Variants in DLC1 observed in about 807,000 individuals in gnomAD.
The protein encoded by DLC1 is DLC1 Rho GTPase activating protein, also known as rho GTPase-activating protein 7.
In DLC1, 54 loss-of-function variants were observed where a neutral mutation model predicts 140.3. That is an observed-to-expected ratio of 0.38 (90% confidence interval 0.31 to 0.48). DLC1 has a LOEUF of 0.48. DLC1 is among the 20% of genes least tolerant of loss of function. The pLI, the probability that DLC1 is intolerant of heterozygous loss-of-function variation, is 0.96. For missense variants in DLC1, 2,536 were observed against 1,907.0 expected (o/e 1.33, Z -6.14); for synonymous variants, 986 against 728.1 (o/e 1.35, Z -5.70).
chr8:13,575,917 T>C (rs1484722930), intron 1 of DLC1, among the ~76,000 whole-genome samples: 1 of 152,200 alleles, frequency 6.6e-6, no homozygotes, highest in African/African-American at 2.4e-5. Context: ...ATTTTGAGTA[T>C]CTGTGTGGCA....
At chr8:13,467,366 T>C (rs1799984553) in intron 2 of DLC1, among the ~76,000 whole-genome samples, 1 of 152,148 alleles carries the variant, frequency 6.6e-6, no homozygotes, top group African/African-American at 2.4e-5. Flanking sequence ...TTTCTCTTCT[T>C]CCCCTCCCCT....
intron 1 of DLC1, among the ~76,000 whole-genome samples, chr8:13,537,401 G>A (rs760618573): frequency 6.6e-6 from 1 of 152,092 alleles, no homozygotes; most frequent in Non-Finnish European, 1.5e-5. Flanking sequence ...GATTTCTGTA[G>A]CATGGTGAAA....
intron 2 of DLC1, among the ~76,000 whole-genome samples, chr8:13,491,315 C>G (rs1563393357): frequency 6.6e-6 from 1 of 151,902 alleles, no homozygotes; most frequent in Non-Finnish European, 1.5e-5. Flanking sequence ...TCTCTCCACT[C>G]CACCCCCAAC....
intron 5 of DLC1, among the ~76,000 whole-genome samples, chr8:13,242,806 C>G (rs150989247): frequency 8.6e-5 from 13 of 151,834 alleles, no homozygotes; most frequent in Admixed American, 8.5e-4. Flanking sequence ...ATGAGGGTGC[C>G]CAAGGTTATG....
intron 5 of DLC1, chr8:13,133,236 G>C (rs1294942618): frequency 3.6e-6 from 5 of 1,396,480 alleles, no homozygotes; most frequent in South Asian, 3.1e-5. Flanking sequence ...GGAGAGGTGC[G>C]GCCATGTCCT....
chr8:13,315,558 C>G (rs1832832787), intron 4 of DLC1, among the ~76,000 whole-genome samples: 1 of 152,178 alleles, frequency 6.6e-6, no homozygotes, highest in African/African-American at 2.4e-5. Flanking sequence ...GATGTTGGGG[C>G]CTTTCAATTG....
intron 15 of DLC1, among the ~76,000 whole-genome samples, chr8:13,089,828 A>T (rs537597975): frequency 1.1e-4 from 17 of 152,292 alleles, no homozygotes; most frequent in Middle Eastern, 3.4e-3. Flanking sequence ...AACTGGAGTT[A>T]ATTTCCCCCT....
intron 4 of DLC1, among the ~76,000 whole-genome samples, chr8:13,353,935 A>G (rs1586192217): frequency 6.6e-6 from 1 of 151,704 alleles, no homozygotes; most frequent in African/African-American, 2.4e-5. Context: ...TTCTTGATTT[A>G]TTCAGTGATG....
At chr8:13,358,442 T>A (rs533653153) in intron 4 of DLC1, among the ~76,000 whole-genome samples, 1 of 152,204 alleles carries the variant, frequency 6.6e-6, no homozygotes, top group South Asian at 2.1e-4. Context: ...AAAAAGTGCT[T>A]GATTACTCTG....
intron 1 of DLC1, among the ~76,000 whole-genome samples, chr8:13,601,973 G>A (rs1805901730): frequency 6.6e-6 from 1 of 151,538 alleles, no homozygotes; most frequent in Admixed American, 6.6e-5. Context: ...ATATGGCATT[G>A]AGCTCCAATG....
intron 2 of DLC1, among the ~76,000 whole-genome samples, chr8:13,480,603 T>A (rs1407556469): frequency 6.6e-6 from 1 of 152,132 alleles, no homozygotes; most frequent in African/African-American, 2.4e-5. Flanking sequence ...TATGCTAAAA[T>A]CGTAAAAATG....
intron 5 of DLC1, among the ~76,000 whole-genome samples, chr8:13,140,380 G>A (rs140111360): frequency 1.3e-5 from 2 of 152,032 alleles, no homozygotes; most frequent in South Asian, 2.1e-4. Context: ...GTACAAATGG[G>A]CATCATCATG....
chr8:13,249,587 C>G (rs1257873735), intron 5 of DLC1, among the ~76,000 whole-genome samples: 4 of 152,146 alleles, frequency 2.6e-5, no homozygotes, highest in African/African-American at 9.7e-5. Flanking sequence ...ATTAGTGATT[C>G]AACAATTTTC....
At chr8:13,166,441 A>G (rs1821077) in intron 5 of DLC1, among the ~76,000 whole-genome samples, 94,797 of 151,618 alleles carry the variant, frequency 0.63, 30,178 homozygotes, top group East Asian at 0.85. Context: ...CCCGGGTTCA[A>G]GCTATTCTCC....
At chr8:13,295,758 A>T (rs1250621700) in intron 5 of DLC1, among the ~76,000 whole-genome samples, 1 of 152,088 alleles carries the variant, frequency 6.6e-6, no homozygotes, top group African/African-American at 2.4e-5. Flanking sequence ...AGCTTGTTAC[A>T]TGTAACTTTC....
intron 1 of DLC1, among the ~76,000 whole-genome samples, chr8:13,546,917 T>C (rs1803667552): frequency 2.0e-5 from 3 of 152,114 alleles, no homozygotes; most frequent in African/African-American, 7.2e-5. Context: ...TATCCTAGAG[T>C]GAAGAAGTCT....
At chr8:13,489,068 C>G (rs568420012) in intron 2 of DLC1, among the ~76,000 whole-genome samples, 7 of 152,142 alleles carry the variant, frequency 4.6e-5, no homozygotes, top group African/African-American at 1.7e-4. Flanking sequence ...CTGTCTCAGT[C>G]TCCCGAGCAG....
At chr8:13,535,527 A>G (rs1165524724) in intron 1 of DLC1, among the ~76,000 whole-genome samples, 1 of 152,090 alleles carries the variant, frequency 6.6e-6, no homozygotes, top group Non-Finnish European at 1.5e-5. Context: ...ACACTTAAAA[A>G]TTAAACTACA....
At chr8:13,149,722 G>C (rs1007443057) in intron 5 of DLC1, among the ~76,000 whole-genome samples, 1 of 152,216 alleles carries the variant, frequency 6.6e-6, no homozygotes, top group Admixed American at 6.5e-5. Context: ...CTTAGGAGCA[G>C]TTGGAAGAAC....
Sources: allele counts gnomAD v4.1 joint callset (sites outside exome capture counted in the v4.1 genomes callset), GRCh38; gene constraint gnomAD v4.1.1; transcripts MANE v1.5; gene names NCBI Gene and HGNC (gene_info 2026-07-23, HGNC 2026-07-21).